FBN1: variants seen among roughly 807,000 people sequenced by gnomAD.
FBN1 encodes the protein fibrillin-1.
In FBN1, 29 loss-of-function variants were observed where a neutral mutation model predicts 365.1. The ratio of observed to expected loss-of-function variants is 0.08; its 90% CI spans 0.06 to 0.11. The LOEUF (loss-of-function observed/expected upper bound fraction) is 0.11, where lower values mean the gene tolerates loss of function less well. Ranked by LOEUF, FBN1 falls within the 10% of genes least tolerant of loss-of-function variation. The pLI, the probability that FBN1 is intolerant of heterozygous loss-of-function variation, is 1.00. For missense variants in FBN1, 2,476 were observed against 3,703.2 expected (o/e 0.67, Z 8.60); for synonymous variants, 1,210 against 1,270.5 (o/e 0.95, Z 1.01).
intron 56 of FBN1, among the ~76,000 whole-genome samples, chr15:48,429,951 G>C (rs1179479182): frequency 1.3e-5 from 2 of 152,226 alleles, no homozygotes; most frequent in African/African-American, 2.4e-5. Flanking sequence ...CTTTTTGTTA[G>C]GGTCAAATAG....
chr15:48,473,347 C>T lies in FBN1; in HGVS notation c.4211-671G>A, dbSNP rs138705056. On this transcript the variant is annotated intron_variant, in intron 34 of 65. Transcript: ENST00000316623. Reference sequence around the variant, plus strand: ...TATGAACAAAGTGCTCAGGATAAATCAATGTTTTAAGTTATAGGAGCAGCT... The same window carrying T: ...TATGAACAAAGTGCTCAGGATAAATTAATGTTTTAAGTTATAGGAGCAGCT... 4.3e-3 allele frequency among the ~76,000 whole-genome samples: 651 copies of T among 152,238 alleles called. 6 individuals are homozygous for T. Among genetic ancestry groups the T allele is most frequent in the Middle Eastern group, 6.8e-3 (2 of 294 alleles).
At position 48,495,255 on chromosome 15, in the gene FBN1, T is replaced by C. The variant is rs2043596507; in HGVS notation, c.2545A>G (p.Ile849Val). Residue 849 changes from isoleucine to valine, a missense_variant, in exon 22 of 66, where the codon ATC (isoleucine) becomes GTC (valine). Around this residue, in one of 5 missense-constraint regions of FBN1, gnomAD observed 1,780 missense variants for 2,840.8 expected, o/e 0.63. Coordinates refer to ENST00000316623, the MANE Select transcript of FBN1 (RefSeq NM_000138.5). The stretch of plus-strand genomic sequence containing the variant: ...ACAGTCTGCCAGCAAGTGCCCTTGA[T>C]GGTTTCTGCAGAGGAGGGAATAATA... Reference protein sequence around the residue: ...DPTKTICIETIKGTCWQTVID... With the variant: ...DPTKTICIETVKGTCWQTVID... The C allele has an allele frequency of 1.7e-5, 28 of 1,614,108 alleles. No homozygotes were observed. The highest frequency in any genetic ancestry group is 2.3e-5 in the Non-Finnish European group (27 of 1,180,024).
In FBN1 at chr15:48,409,680, A is replaced by G. The variant is rs1188295111; in HGVS notation, c.*1310T>C. ...TGTTTAGGGGAAAAAAAAATGGAACAGAACACCTAAGGCTTGCCAAAACTG... is the reference window on the plus strand; with the variant it reads ...TGTTTAGGGGAAAAAAAAATGGAACGGAACACCTAAGGCTTGCCAAAACTG... On this transcript the variant is annotated 3_prime_UTR_variant, in exon 66 of 66. Transcript: ENST00000316623. 1.3e-5 allele frequency: 2 copies of G among 152,242 alleles called. No homozygotes were observed. The highest frequency in any genetic ancestry group is 2.9e-5 in the Non-Finnish European group (2 of 68,048). The allele number at this position is 152,242 out of a possible 1,614,324, so 9.4% of individuals were successfully genotyped here.
In FBN1 at chr15:48,436,635, A is replaced by T. The variant is rs555916145; in HGVS notation, c.6496+326T>A. Among the ~76,000 whole-genome samples, 57 of 152,340 alleles carry T rather than the reference A, an allele frequency of 3.7e-4. 1 individual carries two copies. Among genetic ancestry groups the T allele is most frequent in the African/African-American group, 9.6e-4 (40 of 41,576 alleles). On this transcript the variant is annotated intron_variant, in intron 53 of 65. Coordinates refer to ENST00000316623, the MANE Select transcript of FBN1 (RefSeq NM_000138.5). ...AAGATTATGACCATTAACAATTTTTAAAAAATTTCACAAAGACTTTCATTA... is the reference window on the plus strand; with the variant it reads ...AAGATTATGACCATTAACAATTTTTTAAAAATTTCACAAAGACTTTCATTA...
chr15:48,430,405 A>G (rs1288935329), intron 56 of FBN1, among the ~76,000 whole-genome samples: 1 of 152,212 alleles, frequency 6.6e-6, no homozygotes, highest in East Asian at 1.9e-4. Context: ...AAGGAGGAGA[A>G]TAGAGAAAAG....
In FBN1 at chr15:48,417,448, T is replaced by TTCCCTTCCTTCC. The variant is rs1555393967; in HGVS notation, c.7820-1682_7820-1681insGGAAGGAAGGGA. On this transcript the variant is annotated intron_variant, in intron 63 of 65. Coordinates refer to ENST00000316623, the MANE Select transcript of FBN1 (RefSeq NM_000138.5). ...TTCCCCCCTCCCCTCCCCTCCCTCC[T>TTCCCTTCCTTCC]TTCCTTCCTTCCTTCCTTCCTTTCC... Among the ~76,000 whole-genome samples, 3 of 91,446 alleles carry TTCCCTTCCTTCC rather than the reference T, an allele frequency of 3.3e-5. 1 individual carries two copies. The highest frequency in any genetic ancestry group is 1.2e-3 in the South Asian group (2 of 1,692). The allele number at this position is 91,446 out of a possible 152,430, so 60.0% of individuals were successfully genotyped here.
intron 2 of FBN1, among the ~76,000 whole-genome samples, chr15:48,622,604 CTT>C (rs1889790482): frequency 6.6e-6 from 1 of 152,140 alleles, no homozygotes; most frequent in African/African-American, 2.4e-5. Flanking sequence ...GGGTAAGTAT[CTT>C]TTCATATTCA....
intron 2 of FBN1, among the ~76,000 whole-genome samples, chr15:48,633,942 T>C (rs1191530360): frequency 1.3e-5 from 2 of 152,230 alleles, no homozygotes; most frequent in Admixed American, 1.3e-4. Flanking sequence ...GGACCTTCTC[T>C]GGGCCTCAGT....
intron 12 of FBN1, among the ~76,000 whole-genome samples, chr15:48,513,869 T>C (rs977598294): frequency 2.0e-5 from 3 of 152,234 alleles, no homozygotes; most frequent in Admixed American, 6.5e-5. Context: ...ATTATTTTCA[T>C]GTGTCATTTT....
chr15:48,506,349 C>T (rs192246075), intron 15 of FBN1, among the ~76,000 whole-genome samples: 14 of 152,288 alleles, frequency 9.2e-5, no homozygotes, highest in Non-Finnish European at 1.6e-4. Flanking sequence ...GAGTAAAACA[C>T]CTTCGTGTTT....
chr15:48,511,525 T>C (rs779792408), intron 13 of FBN1, among the ~76,000 whole-genome samples: 6 of 152,158 alleles, frequency 3.9e-5, no homozygotes, highest in Admixed American at 2.0e-4. Context: ...CAGAATGTCA[T>C]GGGGTTCCCC....
intron 6 of FBN1, among the ~76,000 whole-genome samples, chr15:48,567,091 T>C (rs1315013394): frequency 6.6e-6 from 1 of 152,202 alleles, no homozygotes. Flanking sequence ...TTGAGAAGCA[T>C]GGGTTTACAC....
chr15:48,438,580 T>C (rs2043090336), intron 50 of FBN1, among the ~76,000 whole-genome samples: 1 of 151,646 alleles, frequency 6.6e-6, no homozygotes, highest in Non-Finnish European at 1.5e-5. Flanking sequence ...TGCAGAGCTG[T>C]GTCAATGTTA....
intron 2 of FBN1, chr15:48,642,689 G>A (rs1294875206): frequency 1.3e-5 from 2 of 151,668 alleles, no homozygotes; most frequent in African/African-American, 4.9e-5. Flanking sequence ...GTGTGTGTGT[G>A]TGTGTATATA....
At chr15:48,626,256 C>CA (rs35055998) in intron 2 of FBN1, among the ~76,000 whole-genome samples, 3,608 of 88,804 alleles carry the variant, frequency 0.041, 147 homozygotes, top group African/African-American at 0.14. Flanking sequence ...GACCCTGTCT[C>CA]AAAAAAAAAA....
intron 43 of FBN1, among the ~76,000 whole-genome samples, chr15:48,458,071 A>T (rs1172371246): frequency 6.6e-6 from 1 of 152,208 alleles, no homozygotes; most frequent in Non-Finnish European, 1.5e-5. Context: ...CTCAGCTGGG[A>T]GGTATGCAAA....
chr15:48,445,934 C>T (rs1009551707), intron 47 of FBN1, among the ~76,000 whole-genome samples: 1 of 151,942 alleles, frequency 6.6e-6, no homozygotes, highest in Admixed American at 6.6e-5. Context: ...ATTACTCTTG[C>T]CTAGTATGTT....
chr15:48,459,943 C>G (rs2043268371), intron 43 of FBN1, among the ~76,000 whole-genome samples: 1 of 152,240 alleles, frequency 6.6e-6, no homozygotes, highest in African/African-American at 2.4e-5. Context: ...CAAATGTCAA[C>G]TGGCCCCACT....
intron 45 of FBN1, among the ~76,000 whole-genome samples, chr15:48,449,328 T>C (rs2043182778): frequency 6.6e-6 from 1 of 152,206 alleles, no homozygotes; most frequent in Non-Finnish European, 1.5e-5. Context: ...ATGACTAAGA[T>C]TAAGTTTTTC....
Sources: allele counts gnomAD v4.1 joint callset (sites outside exome capture counted in the v4.1 genomes callset), GRCh38; gene constraint gnomAD v4.1.1; regional missense constraint gnomAD v4.1.1; transcripts MANE v1.5; gene names NCBI Gene and HGNC (gene_info 2026-07-23, HGNC 2026-07-21).